HDAC8: variants seen among roughly 807,000 people sequenced by gnomAD.
The protein encoded by HDAC8 is histone deacetylase-like 1.
Under a neutral mutation model 32.2 loss-of-function variants are expected in HDAC8, and 1 was observed. The observed-to-expected ratio is 0.03, with a 90% CI of 0.01 to 0.15. HDAC8 has a LOEUF of 0.15. Ranked by LOEUF, HDAC8 falls within the 10% of genes least tolerant of loss-of-function variation. The probability of loss-of-function intolerance (pLI) is 1.00; values close to 1 mark genes in which losing one functional copy is unlikely to be tolerated. For synonymous variants in HDAC8, 108 were observed against 113.9 expected, an observed-to-expected ratio of 0.95 and a Z score of 0.33; for missense variants, 117 against 300.0, an observed-to-expected ratio of 0.39 and a Z score of 4.51.
At chrX:72,363,079 C>T (rs900848305) in intron 9 of HDAC8, among the ~76,000 whole-genome samples, 2 of 109,037 alleles carry the variant, frequency 1.8e-5, no homozygotes, top group Admixed American at 2.0e-4. Flanking sequence ...AGGGGTCTCC[C>T]TGCAGGCCAG....
chrX:72,457,755 A>G (rs914858808), intron 9 of HDAC8, among the ~76,000 whole-genome samples: 1 of 112,046 alleles, frequency 8.9e-6, no homozygotes, highest in Non-Finnish European at 1.9e-5. Context: ...TATTGTTATG[A>G]TGTTACTCCT....
At chrX:72,557,113 G>A (rs1395840986) in intron 4 of HDAC8, among the ~76,000 whole-genome samples, 1 of 111,327 alleles carries the variant, frequency 9.0e-6, no homozygotes, top group African/African-American at 3.3e-5. Context: ...TGAGGAAGGA[G>A]AATGGCGTGA....
chrX:72,556,269 C>G (rs1470168841), intron 4 of HDAC8, among the ~76,000 whole-genome samples: 1 of 111,778 alleles, frequency 8.9e-6, no homozygotes, highest in Non-Finnish European at 1.9e-5. Context: ...AATCTTGAAA[C>G]AAATCCTCAA....
At chrX:72,552,641 G>A (rs1363459503) in intron 4 of HDAC8, among the ~76,000 whole-genome samples, 13 of 109,021 alleles carry the variant, frequency 1.2e-4, no homozygotes, top group Non-Finnish European at 1.7e-4. Flanking sequence ...TTAGCTAGGT[G>A]TGGTGGTGTG....
intron 4 of HDAC8, among the ~76,000 whole-genome samples, chrX:72,508,657 G>C (rs1414457324): frequency 9.0e-6 from 1 of 111,588 alleles, no homozygotes; most frequent in Non-Finnish European, 1.9e-5. Context: ...GGTTATTGAG[G>C]CAGTGGGTTA....
intron 10 of HDAC8, among the ~76,000 whole-genome samples, chrX:72,351,081 C>T (rs2044165265): frequency 9.0e-6 from 1 of 111,527 alleles, no homozygotes; most frequent in Non-Finnish European, 1.9e-5. Flanking sequence ...CCTCCCCACC[C>T]CTGCTAAGTC....
intron 9 of HDAC8, among the ~76,000 whole-genome samples, chrX:72,360,953 G>A (rs1174204680): frequency 1.8e-5 from 2 of 112,054 alleles, no homozygotes; most frequent in Non-Finnish European, 3.8e-5. Context: ...GCAGGAAGCA[G>A]CACATCAAAA....
chrX:72,559,375 A>T (rs2051419034), intron 4 of HDAC8, among the ~76,000 whole-genome samples: 1 of 110,183 alleles, frequency 9.1e-6, no homozygotes, highest in African/African-American at 3.3e-5. Flanking sequence ...CTCAGTGCTC[A>T]ATGTTGCCCA....
intron 4 of HDAC8, among the ~76,000 whole-genome samples, chrX:72,538,628 C>G (rs1436315018): frequency 9.0e-6 from 1 of 111,621 alleles, no homozygotes; most frequent in Admixed American, 9.5e-5. Flanking sequence ...TTTAAAGTTG[C>G]CTGAGAAAAG....
chrX:72,488,464 C>G (rs782738517), intron 7 of HDAC8, among the ~76,000 whole-genome samples: 2 of 111,590 alleles, frequency 1.8e-5, no homozygotes, highest in East Asian at 5.6e-4. Flanking sequence ...GAACAGGTAT[C>G]TGACTCCAAT....
intron 4 of HDAC8, among the ~76,000 whole-genome samples, chrX:72,559,083 C>T (rs2051397578): frequency 1.3e-5 from 1 of 76,351 alleles, no homozygotes; most frequent in Admixed American, 1.5e-4. Context: ...GTCTCCCTCT[C>T]CCTCTCCCTC....
intron 9 of HDAC8, among the ~76,000 whole-genome samples, chrX:72,433,014 C>T (rs1339737927): frequency 8.9e-6 from 1 of 112,001 alleles, no homozygotes; most frequent in Non-Finnish European, 1.9e-5. Context: ...TCATCTTGCT[C>T]AACCCAGTTG....
In HDAC8 at chrX:72,545,738, C is replaced by T. The variant is rs1042802838; in HGVS notation, c.437+22151G>A. The stretch of plus-strand genomic sequence containing the variant: ...ATGTATTGACAGAGAATGATCTGGG[C>T]TACTATGGTAAAGGCCTGTTGGTTT... On this transcript the variant is annotated intron_variant, in intron 4 of 10. Transcript: ENST00000373573. Among the ~76,000 whole-genome samples the T allele has an allele frequency of 2.7e-5, 3 of 111,836 alleles. No individual in the cohort carries two copies. The East Asian group carries it at 8.4e-4, about 31-fold the overall frequency.
chrX:72,566,008 A>G (rs2051770010), intron 4 of HDAC8, among the ~76,000 whole-genome samples: 1 of 109,862 alleles, frequency 9.1e-6, no homozygotes, highest in African/African-American at 3.3e-5. Flanking sequence ...TTATCCAAGC[A>G]TGGTGGCACG....
At chrX:72,349,522 T>C (rs1247500989) in intron 10 of HDAC8, among the ~76,000 whole-genome samples, 1 of 112,471 alleles carries the variant, frequency 8.9e-6, no homozygotes, top group African/African-American at 3.2e-5. Context: ...TCCAGTTTGA[T>C]TTCATTGGGT....
At chrX:72,460,433 C>T (rs2047835989) in intron 9 of HDAC8, among the ~76,000 whole-genome samples, 1 of 111,477 alleles carries the variant, frequency 9.0e-6, no homozygotes, top group Admixed American at 9.5e-5. Flanking sequence ...CCACCATGCC[C>T]GGCCGAGAAC....
At chrX:72,383,802 G>A (rs1555960606) in intron 9 of HDAC8, among the ~76,000 whole-genome samples, 1 of 104,977 alleles carries the variant, frequency 9.5e-6, no homozygotes, top group Non-Finnish European at 2.0e-5. Flanking sequence ...CCCGGGAGGC[G>A]GAGCTTGCAG....
At chrX:72,347,255 G>A (rs148726114) in intron 10 of HDAC8, among the ~76,000 whole-genome samples, 5 of 111,889 alleles carry the variant, frequency 4.5e-5, no homozygotes, top group African/African-American at 1.6e-4. Context: ...GTATCAGTTT[G>A]TTAGGTTGCC....
chrX:72,468,676 C>T (rs1217035616), intron 7 of HDAC8, among the ~76,000 whole-genome samples: 1 of 111,458 alleles, frequency 9.0e-6, no homozygotes, highest in Non-Finnish European at 1.9e-5. Flanking sequence ...TTCATTCCCT[C>T]ACTCAAACCT....
Sources: allele counts gnomAD v4.1 joint callset (sites outside exome capture counted in the v4.1 genomes callset), GRCh38; gene constraint gnomAD v4.1.1; transcripts MANE v1.5; gene names NCBI Gene and HGNC (gene_info 2026-07-23, HGNC 2026-07-21).